Variants in LRIG2 observed in about 807,000 individuals in gnomAD.
The protein encoded by LRIG2 is leucine rich repeats and immunoglobulin like domains 2.
In LRIG2, 93 loss-of-function variants were observed where a neutral mutation model predicts 107.8. The observed-to-expected ratio is 0.86, with a 90% confidence interval of 0.73 to 1.03. The LOEUF (loss-of-function observed/expected upper bound fraction) is 1.03, where lower values mean the gene tolerates loss of function less well. LRIG2 is among the 50% of genes least tolerant of loss of function. The pLI is 0.00. For missense variants in LRIG2, 1,226 were observed against 1,296.0 expected, an observed-to-expected ratio of 0.95 and a Z score of 0.83; for synonymous variants, 471 against 470.6, an observed-to-expected ratio of 1.00 and a Z score of -0.01.
Position 113,114,418 on chromosome 1 carries a change from T to C in LRIG2, c.2081-9T>C. 6.5e-7 allele frequency: 1 copy of C among 1,537,318 alleles called. No individual in the cohort carries two copies. The highest frequency in any genetic ancestry group is 1.2e-5 in the South Asian group (1 of 82,128). On this transcript the variant is annotated splice_polypyrimidine_tract_variant and intron_variant, in intron 14 of 17. Transcript: ENST00000361127. The stretch of plus-strand genomic sequence containing the variant: ...TTCATTTTTTTTTTTTTTAATGTTT[T>C]CCTGTTAGAGACACCCTCATTTATT...
In LRIG2 at chr1:113,119,499, C is replaced by G. The variant is rs576228795; in HGVS notation, c.2947C>G (p.Leu983Val). The change falls in exon 17 of 18, where the codon CTT becomes GTT. Residue 983 changes from leucine to valine, a missense_variant. Physicochemically the swap from Leu to Val is conservative, Grantham distance 32. Transcript: ENST00000361127. ...TNHERISEKK[L>V]PSTQMSGETL... ...CCATGAGAGGATAAGTGAGAAGAAA[C>G]TTCCCTCCACACAGATGAGCGGTGG... 8.1e-6 allele frequency: 13 copies of G among 1,614,122 alleles called. No homozygotes were observed. In the South Asian group the frequency reaches 9.9e-5, roughly 12 times the overall value.
At chr1:113,088,913 C>CTTTTATA (rs1159699254) in intron 1 of LRIG2, among the ~76,000 whole-genome samples, 1 of 152,080 alleles carries the variant, frequency 6.6e-6, no homozygotes, top group Admixed American at 6.6e-5. Context: ...ATATTTTTAT[C>CTTTTATA]TTTTATATTT....
At chr1:113,099,580 G>A (rs954347122) in intron 9 of LRIG2, among the ~76,000 whole-genome samples, 2 of 151,944 alleles carry the variant, frequency 1.3e-5, no homozygotes, top group Non-Finnish European at 2.9e-5. Flanking sequence ...TGTTGTCGGG[G>A]CACTTTTTAT....
Position 113,114,716 on chromosome 1 carries a change from C to T in LRIG2, c.2370C>T (p.Asp790=), listed in dbSNP as rs777833444. Residue 790 remains aspartate, a synonymous_variant, in exon 15 of 18, where the codon GAC becomes GAT. Coordinates refer to ENST00000361127, the MANE Select transcript of LRIG2 (RefSeq NM_014813.3). ...ATGTCATTTCATCCCCCAATTGTGA[C>T]TCTTCCCAGAGTAGCATTGGGCATG... ...YLNVISSPNC[D]SSQSSIGHED... 10 of 1,614,184 alleles carry T rather than the reference C, an allele frequency of 6.2e-6. No homozygotes were observed. The Admixed American group carries it at 1.7e-4, about 27-fold the overall frequency.
intron 1 of LRIG2, among the ~76,000 whole-genome samples, chr1:113,084,875 A>G (rs566847232): frequency 1.3e-5 from 2 of 152,346 alleles, no homozygotes; most frequent in Admixed American, 1.3e-4. Flanking sequence ...TATATTTCCT[A>G]TGCTAGAGAA....
At chr1:113,077,104 C>A (rs1557893639) in intron 1 of LRIG2, among the ~76,000 whole-genome samples, 1 of 151,794 alleles carries the variant, frequency 6.6e-6, no homozygotes, top group South Asian at 2.1e-4. Flanking sequence ...ATAAAAGTAA[C>A]CTTTTCCTTA....
intron 1 of LRIG2, among the ~76,000 whole-genome samples, chr1:113,079,379 G>A (rs556116828): frequency 2.7e-5 from 4 of 148,178 alleles, no homozygotes; most frequent in Non-Finnish European, 6.0e-5. Flanking sequence ...GAAAGAAAAT[G>A]AGCCCCTTTA....
intron 1 of LRIG2, among the ~76,000 whole-genome samples, chr1:113,078,244 CT>C (rs71087146): frequency 1.1e-3 from 152 of 143,486 alleles, no homozygotes; most frequent in Admixed American, 2.0e-3. Flanking sequence ...TGGATTTAGT[CT>C]TTTTTTTTTT....
chr1:113,091,523 T>TTTTAGGTTTTC, intron 2 of LRIG2, 140 bp downstream of exon 2: 1 of 582,288 alleles, frequency 1.7e-6, no homozygotes, highest in Non-Finnish European at 3.0e-6. Context: ...TTTGAAAACC[T>TTTTAGGTTTTC]AAAATGTTTT....
intron 14 of LRIG2, among the ~76,000 whole-genome samples, chr1:113,113,424 T>A (rs1654857528): frequency 6.6e-6 from 1 of 151,484 alleles, no homozygotes; most frequent in Admixed American, 6.6e-5. Flanking sequence ...GGGTAAATTC[T>A]ACTTTCCAGT....
chr1:113,082,076 G>A (rs1348322111), intron 1 of LRIG2, among the ~76,000 whole-genome samples: 1 of 152,170 alleles, frequency 6.6e-6, no homozygotes, highest in African/African-American at 2.4e-5. Flanking sequence ...AATATACTTT[G>A]CCCCTGGCTT....
intron 14 of LRIG2, among the ~76,000 whole-genome samples, chr1:113,114,068 G>A (rs1005007758): frequency 6.6e-6 from 1 of 151,882 alleles, no homozygotes; most frequent in Non-Finnish European, 1.5e-5. Flanking sequence ...ATTTAAAAAT[G>A]TTTTTCTTTA....
chr1:113,089,585 G>GCA (rs1653699717), intron 1 of LRIG2, among the ~76,000 whole-genome samples: 1 of 151,082 alleles, frequency 6.6e-6, no homozygotes, highest in Non-Finnish European at 1.5e-5. Context: ...AAGAATGCCT[G>GCA]TCTGCCTTTA....
In LRIG2 at chr1:113,096,349, T is replaced by G; in HGVS notation, c.1075T>G (p.Ser359Ala). Residue 359 changes from serine to alanine, a missense_variant, in exon 8 of 18, where the codon TCC becomes GCC. Ser to Ala is a moderately conservative substitution (Grantham distance 99). Coordinates refer to ENST00000361127, the MANE Select transcript of LRIG2 (RefSeq NM_014813.3). ...HIADGVFRFL[S>A]NLQTLDLRNN... ...TGCTGATGGTGTATTTAGATTTCTT[T>G]CCAATCTTCAGACATTGTAAGTATA... 6.2e-7 allele frequency: 1 copy of G among 1,613,550 alleles called. No homozygotes were observed. The highest frequency in any genetic ancestry group is 8.5e-7 in the Non-Finnish European group (1 of 1,179,882).
intron 1 of LRIG2, among the ~76,000 whole-genome samples, chr1:113,074,075 G>A (rs1022064590): frequency 1.3e-5 from 2 of 152,098 alleles, no homozygotes; most frequent in Non-Finnish European, 2.9e-5. Flanking sequence ...CCTCAGGCAC[G>A]TGATTTTATA....
chr1:113,079,104 G>A (rs1324836617), intron 1 of LRIG2, among the ~76,000 whole-genome samples: 2 of 151,994 alleles, frequency 1.3e-5, no homozygotes, highest in Admixed American at 6.6e-5. Context: ...CAGCACTTTC[G>A]GAAGCTGAGG....
intron 1 of LRIG2, 75 bp from the exon 2 acceptor site, chr1:113,091,243 C>T: frequency 2.0e-6 from 2 of 1,013,696 alleles, no homozygotes; most frequent in South Asian, 3.0e-5. Flanking sequence ...TTTTGTATTT[C>T]TATTTAGTTT....
chr1:113,110,577 T>G lies in LRIG2; in HGVS notation c.1798+15T>G. The G allele has an allele frequency of 1.3e-6, 2 of 1,550,788 alleles. No homozygotes were observed. The highest frequency in any genetic ancestry group is 1.8e-6 in the Non-Finnish European group (2 of 1,141,418). ...GACTGTAAATGGTAAGGAATTATGC[T>G]CCTTGATTTTTTTTAGTTTAGAAGG... On this transcript the variant is annotated intron_variant, in intron 13 of 17. Coordinates refer to ENST00000361127, the MANE Select transcript of LRIG2 (RefSeq NM_014813.3).
chr1:113,080,765 ATTATC>A (rs1653233757), intron 1 of LRIG2, among the ~76,000 whole-genome samples: 1 of 151,654 alleles, frequency 6.6e-6, no homozygotes. Flanking sequence ...GAATCAGGGC[ATTATC>A]TTAGCTAATT....
Sources: allele counts gnomAD v4.1 joint callset (sites outside exome capture counted in the v4.1 genomes callset), GRCh38; gene constraint gnomAD v4.1.1; transcripts MANE v1.5; gene names NCBI Gene and HGNC (gene_info 2026-07-23, HGNC 2026-07-21).